Variants in OTULIN observed in about 807,000 individuals in gnomAD.
OTULIN encodes OTU deubiquitinase with linear linkage specificity, also known as ubiquitin thioesterase otulin.
A neutral mutation model predicts 39.6 loss-of-function variants in OTULIN; 15 were observed. The ratio of observed to expected loss-of-function variants is 0.38; its 90% CI spans 0.25 to 0.58. The LOEUF (loss-of-function observed/expected upper bound fraction) is 0.58. OTULIN is among the 20% of genes least tolerant of loss of function. The pLI, the probability that OTULIN is intolerant of heterozygous loss-of-function variation, is 0.66. For missense variants in OTULIN, 319 were observed against 445.9 expected (o/e 0.72, Z 2.56); for synonymous variants, 156 against 170.3 (o/e 0.92, Z 0.65).
chr5:14,691,331 C>G (rs1736520582), intron 6 of OTULIN, among the ~76,000 whole-genome samples: 1 of 152,204 alleles, frequency 6.6e-6, no homozygotes, highest in African/African-American at 2.4e-5. Context: ...AGTTTCCATT[C>G]TGAGCTGTCC....
chr5:14,710,830 A>G, the OTULIN span: 1 of 336,274 alleles, frequency 3.0e-6, no homozygotes, highest in Non-Finnish European at 5.8e-6. Flanking sequence ...CCTGCTGTGC[A>G]GGGTGACCGA....
the OTULIN span, among the ~76,000 whole-genome samples, chr5:14,715,533 C>T: frequency 6.6e-6 from 1 of 152,162 alleles, no homozygotes; most frequent in Non-Finnish European, 1.5e-5. Context: ...AGGTGACACA[C>T]CTGGTACAGA....
the OTULIN span, chr5:14,705,135 C>T: frequency 6.6e-6 from 1 of 152,174 alleles, no homozygotes; most frequent in Non-Finnish European, 1.5e-5. Context: ...GCTGGGACTA[C>T]AGATGCACAC....
Position 14,693,330 on chromosome 5 carries a change from A to G in OTULIN, c.*282A>G, listed in dbSNP as rs557054061. The G allele has an allele frequency of 9.6e-5, 29 of 301,684 alleles. No homozygotes were observed. The highest frequency in any genetic ancestry group is 1.6e-4 in the Non-Finnish European group (26 of 164,254). The allele number at this position is 301,684 out of a possible 1,614,324, so 18.7% of individuals were successfully genotyped here. A position where few individuals can be genotyped will look rare whatever the true frequency, so the allele number is the denominator to read the frequency against. On this transcript the variant is annotated 3_prime_UTR_variant, in exon 7 of 7. Transcript: ENST00000284274. ...TTCTCCAGAAGGCAAATACTTTTGTATCAGAGGAAACTCAGTTTTGGAGAG... is the reference window on the plus strand; with the variant it reads ...TTCTCCAGAAGGCAAATACTTTTGTGTCAGAGGAAACTCAGTTTTGGAGAG...
chr5:14,676,473 C>T (rs1336324396), intron 2 of OTULIN, among the ~76,000 whole-genome samples: 2 of 152,212 alleles, frequency 1.3e-5, no homozygotes, highest in Admixed American at 1.3e-4. Flanking sequence ...TTGATGCTGC[C>T]AGCTGTGCCA....
chr5:14,706,037 A>G, the OTULIN span: 1 of 152,188 alleles, frequency 6.6e-6, no homozygotes, highest in African/African-American at 2.4e-5. Flanking sequence ...TGGTACAACC[A>G]TTTTTAGCTG....
intron 1 of OTULIN, among the ~76,000 whole-genome samples, chr5:14,670,843 A>G (rs1308416077): frequency 6.6e-6 from 1 of 150,894 alleles, no homozygotes; most frequent in Non-Finnish European, 1.5e-5. Context: ...GGCTTTAAGC[A>G]GGATTATTTT....
At position 14,694,785 on chromosome 5, in the gene OTULIN, C is replaced by G. The variant is rs1365025480; in HGVS notation, c.*1737C>G. The G allele has an allele frequency of 1.3e-5, 2 of 152,548 alleles. No homozygotes were observed. Among genetic ancestry groups the G allele is most frequent in the East Asian group, 1.9e-4 (1 of 5,192 alleles). The allele number at this position is 152,548 out of a possible 1,614,324, so 9.4% of individuals were successfully genotyped here. A position where few individuals can be genotyped will look rare whatever the true frequency, so the allele number is the denominator to read the frequency against. ...GCTTTGTGTTCTTCACTGTGAAATG[C>G]AATTGTGCCTTGAATAAGAAGGTAC... On this transcript the variant is annotated 3_prime_UTR_variant, in exon 7 of 7. Transcript: ENST00000284274.
chr5:14,703,851 C>G (rs1375736330), downstream of OTULIN, among the ~76,000 whole-genome samples: 2 of 152,094 alleles, frequency 1.3e-5, no homozygotes, highest in Admixed American at 6.5e-5. Flanking sequence ...GGAGGTAGGA[C>G]TGAGATCTGG....
chr5:14,692,989 G>T lies in OTULIN; in HGVS notation c.1000G>T (p.Ala334Ser). The T allele has an allele frequency of 2.5e-6, 4 of 1,614,168 alleles. No homozygotes were observed. Among genetic ancestry groups the T allele is most frequent in the Non-Finnish European group, 3.4e-6 (4 of 1,180,050 alleles). The change falls in exon 7 of 7, where the codon GCT (alanine) becomes TCT (serine). Residue 334 changes from alanine to serine, a missense_variant. Coordinates refer to ENST00000284274, the MANE Select transcript of OTULIN (RefSeq NM_138348.6). ...GGACTGGCCAGTGGTAACGCTCATTGCTGAGGACGATCGGCACTATAACAT... is the reference window on the plus strand; with the variant it reads ...GGACTGGCCAGTGGTAACGCTCATTTCTGAGGACGATCGGCACTATAACAT... ...PKDWPVVTLI[A>S]EDDRHYNIPV... is the part of the protein sequence containing the mutation.
In OTULIN at chr5:14,697,872, G is replaced by A. The variant is rs1736712934; in HGVS notation, c.*4824G>A. On this transcript the variant is annotated 3_prime_UTR_variant, in exon 7 of 7. Coordinates refer to ENST00000284274, the MANE Select transcript of OTULIN (RefSeq NM_138348.6). The stretch of plus-strand genomic sequence containing the variant: ...GTGGACTTGGCAGTTCTCCCAGTAA[G>A]CAGAAGTACTTGAGCTTAATTCTGA... The A allele has an allele frequency of 6.6e-6, 1 of 152,176 alleles. No individual in the cohort carries two copies. The highest frequency in any genetic ancestry group is 1.5e-5 in the Non-Finnish European group (1 of 68,020). 9.4% of individuals were successfully genotyped at this position (152,176 alleles called of 1,614,324 possible). A position where few individuals can be genotyped will look rare whatever the true frequency, so the allele number is the denominator to read the frequency against.
At chr5:14,688,494 T>A (rs1736443590) in intron 5 of OTULIN, among the ~76,000 whole-genome samples, 1 of 152,258 alleles carries the variant, frequency 6.6e-6, no homozygotes, top group African/African-American at 2.4e-5. Flanking sequence ...CTTGACACCC[T>A]GTGTCCAGCA....
At chr5:14,707,406 A>G in the OTULIN span, 1 of 152,212 alleles carries the variant, frequency 6.6e-6, no homozygotes, top group East Asian at 1.9e-4. Context: ...AGATCCCCAA[A>G]TGGGGAACAA....
chr5:14,713,814 G>A, the OTULIN span: 1 of 1,193,948 alleles, frequency 8.4e-7, no homozygotes. This position sits in a 1 kb window ranked among gnomAD's most constrained non-coding sequence, Gnocchi z 4.4. Flanking sequence ...TCATCTTCCT[G>A]CCAGGGTTCC....
intron 4 of OTULIN, among the ~76,000 whole-genome samples, chr5:14,683,558 A>C (rs1736310588): frequency 6.6e-6 from 1 of 152,034 alleles, no homozygotes; most frequent in Non-Finnish European, 1.5e-5. Context: ...AACTGTAGAT[A>C]TATATGACAC....
rs1736508537 is a variant in OTULIN, at chr5:14,690,857, T to G, written c.864+549T>G. ...TACAGTCACCACCGTTATCTCAGCC[T>G]GGGCTTTATTCTTCAGAGGGGTGGA... On this transcript the variant is annotated intron_variant, in intron 6 of 6. Transcript: ENST00000284274. This position sits in a 1 kb window ranked among gnomAD's most constrained non-coding sequence, Gnocchi z 4.5. 6.6e-6 allele frequency among the ~76,000 whole-genome samples: 1 copy of G among 152,222 alleles called. No individual in the cohort carries two copies. The highest frequency in any genetic ancestry group is 1.5e-5 in the Non-Finnish European group (1 of 68,026).
At chr5:14,711,610 G>A in the OTULIN span, among the ~76,000 whole-genome samples, 2 of 152,134 alleles carry the variant, frequency 1.3e-5, no homozygotes, top group African/African-American at 4.8e-5. Context: ...TGAGGGCTGC[G>A]CTCTCCCCGA....
chr5:14,696,958 C>G lies in OTULIN; in HGVS notation c.*3910C>G, dbSNP rs1736685582. On this transcript the variant is annotated 3_prime_UTR_variant, in exon 7 of 7. Transcript: ENST00000284274. ...TTGGAACCAATGAAAAGCAACAAAA[C>G]TAAACTGGTTTGACAGCCTGCCACT... 2 of 152,212 alleles carry G rather than the reference C, an allele frequency of 1.3e-5. No individual in the cohort carries two copies. The highest frequency in any genetic ancestry group is 4.8e-5 in the African/African-American group (2 of 41,450). The allele number at this position is 152,212 out of a possible 1,614,324, so 9.4% of individuals were successfully genotyped here. A position where few individuals can be genotyped will look rare whatever the true frequency, so the allele number is the denominator to read the frequency against.
chr5:14,679,620 G>C (rs1736194560), intron 3 of OTULIN, among the ~76,000 whole-genome samples: 1 of 151,936 alleles, frequency 6.6e-6, no homozygotes, highest in South Asian at 2.1e-4. Context: ...AACTTTTTTT[G>C]GTTAGGATTT....
Sources: allele counts gnomAD v4.1 joint callset (sites outside exome capture counted in the v4.1 genomes callset), GRCh38; gene constraint gnomAD v4.1.1; non-coding constraint Gnocchi (gnomAD v3.1); transcripts MANE v1.5; gene names NCBI Gene and HGNC (gene_info 2026-07-23, HGNC 2026-07-21).